SEMA6B: variants seen among roughly 807,000 people sequenced by gnomAD.
The protein encoded by SEMA6B is semaphorin 6B.
A neutral mutation model predicts 78.6 loss-of-function variants in SEMA6B; 47 were observed. That is an observed-to-expected ratio of 0.60 (90% confidence interval 0.47 to 0.76). The LOEUF is 0.76. Among genes scored for constraint, SEMA6B ranks in the 30% least tolerant of loss-of-function variants. The pLI is 0.00. For synonymous variants in SEMA6B, 632 were observed against 592.2 expected (o/e 1.07, Z -0.98); for missense variants, 1,213 against 1,269.9 (o/e 0.96, Z 0.68).
At chr19:4,551,838 C>A (rs1376001906) in intron 10 of SEMA6B, among the ~76,000 whole-genome samples, 1 of 142,920 alleles carries the variant, frequency 7.0e-6, no homozygotes, top group East Asian at 2.1e-4. Context: ...AAAAAAAAAA[C>A]CAAACCAAAC....
Position 4,555,829 on chromosome 19 carries a change from T to C in SEMA6B, c.471+159A>G, listed in dbSNP as rs1335994608. ...TGTACAGGCCTCGTTTGGACAGCGC[T>C]GACTCCTCTTGAGCTCAGGGGGAGG... is the stretch of plus-strand genomic sequence containing the variant. On this transcript the variant is annotated intron_variant, in intron 6 of 16. Coordinates refer to ENST00000586582, the MANE Select transcript of SEMA6B (RefSeq NM_032108.4). This position sits in a 1 kb window ranked among gnomAD's most constrained non-coding sequence, Gnocchi z 6.1. Among the ~76,000 whole-genome samples, 1 of 152,208 alleles carries C rather than the reference T, an allele frequency of 6.6e-6. No homozygotes were observed. The highest frequency in any genetic ancestry group is 1.5e-5 in the Non-Finnish European group (1 of 68,034).
intron 8 of SEMA6B, 45 bp downstream of exon 8, chr19:4,554,931 T>G: frequency 6.2e-7 from 1 of 1,603,074 alleles, no homozygotes; most frequent in Non-Finnish European, 8.5e-7. Context: ...AATGTCAGGT[T>G]CTGGGCCCTG....
chr19:4,554,459 C>A lies in SEMA6B; in HGVS notation c.700G>T (p.Ala234Ser). 6.2e-7 allele frequency: 1 copy of A among 1,613,904 alleles called. No homozygotes were observed. Among genetic ancestry groups the A allele is most frequent in the South Asian group, 1.1e-5 (1 of 91,082 alleles). ...TAGACATGGCTGCCCCACTCCACCG[C>A]ATGGACAAAGTAAGGCTCTGCAGGA... The part of the protein sequence containing the change: ...KWFKEPYFVH[A>S]VEWGSHVYFF... Residue 234 changes from alanine to serine, a missense_variant, in exon 9 of 17, where the codon GCG (alanine) becomes TCG (serine). By Grantham distance (99) the Ala-to-Ser change is moderately conservative (BLOSUM62 1). Transcript: ENST00000586582.
chr19:4,556,999 T>C lies in SEMA6B; in HGVS notation c.321A>G (p.Arg107=). ...ELRYQRKLTW[R]SNPSDINVCR... is the part of the protein sequence containing the mutation. Reference sequence around the variant, plus strand: ...ACACGTTTATGTCGCTGGGGTTAGATCTCCAGGTCAGCTTCTGCAGACAGA... The same window carrying C: ...ACACGTTTATGTCGCTGGGGTTAGACCTCCAGGTCAGCTTCTGCAGACAGA... Residue 107 remains arginine, a synonymous_variant, in exon 5 of 17, where the codon AGA becomes AGG. Coordinates refer to ENST00000586582, the MANE Select transcript of SEMA6B (RefSeq NM_032108.4). 6.2e-7 allele frequency: 1 copy of C among 1,613,162 alleles called. No individual in the cohort carries two copies. The highest frequency in any genetic ancestry group is 8.5e-7 in the Non-Finnish European group (1 of 1,179,568).
chr19:4,551,706 G>A (rs1977337125), intron 10 of SEMA6B, among the ~76,000 whole-genome samples: 1 of 151,828 alleles, frequency 6.6e-6, no homozygotes, highest in Non-Finnish European at 1.5e-5. Flanking sequence ...GCGCACGCCT[G>A]TAATCCCAGC....
In SEMA6B at chr19:4,552,288, G is replaced by A; in HGVS notation, c.989+134C>T. On this transcript the variant is annotated intron_variant, in intron 10 of 16. Coordinates refer to ENST00000586582, the MANE Select transcript of SEMA6B (RefSeq NM_032108.4). This position sits in a 1 kb window ranked among gnomAD's most constrained non-coding sequence, Gnocchi z 7.4. ...GTCAGCTTGTCCCACCCCAGCCTGG[G>A]GCCGAGGCCTCTCAGAGGTCTAATC... The A allele has an allele frequency of 1.2e-6, 1 of 856,360 alleles. No homozygotes were observed. 53.0% of individuals were successfully genotyped at this position (856,360 alleles called of 1,614,324 possible).
At chr19:4,557,271 T>A in intron 3 of SEMA6B, 48 bp from the exon 4 acceptor site, 1 of 1,389,042 alleles carries the variant, frequency 7.2e-7, no homozygotes, top group Non-Finnish European at 9.9e-7. Flanking sequence ...CGCCACCCTC[T>A]CCCGTTCCAT....
At position 4,550,918 on chromosome 19, in the gene SEMA6B, C is replaced by T. The variant is rs759056608; in HGVS notation, c.1002G>A (p.Ser334=). 1.4e-5 allele frequency: 22 copies of T among 1,613,434 alleles called. No homozygotes were observed. The highest frequency in any genetic ancestry group is 1.8e-5 in the Non-Finnish European group (21 of 1,179,982). ...GTGTCAGGTCAAAGGCGCAGACAGC[C>T]GAGCCAGGGATGCTGAGGGGTTGGG... ...FSTPSNSIPG[S]AVCAFDLTQV... is the part of the protein sequence containing the mutation. Residue 334 remains serine (S), a synonymous_variant, in exon 11 of 17, where the codon TCG becomes TCA. Transcript: ENST00000586582. This position sits in a 1 kb window ranked among gnomAD's most constrained non-coding sequence, Gnocchi z 6.6.
At chr19:4,547,023 GA>G (rs1233408507) in intron 14 of SEMA6B, among the ~76,000 whole-genome samples, 1 of 151,632 alleles carries the variant, frequency 6.6e-6, no homozygotes, top group Non-Finnish European at 1.5e-5. Flanking sequence ...ACAGTGTCAT[GA>G]TCATAGTTCA....
At chr19:4,546,614 C>T (rs911686214) in intron 14 of SEMA6B, 145 bp from the exon 15 acceptor site, 23 of 443,782 alleles carry the variant, frequency 5.2e-5, no homozygotes, top group African/African-American at 1.6e-4. Flanking sequence ...GAATTTCGCT[C>T]TTGTTGTTTA....
chr19:4,557,885 C>T (rs1013346560), intron 3 of SEMA6B, 141 bp downstream of exon 3: 14 of 725,936 alleles, frequency 1.9e-5, no homozygotes, highest in Non-Finnish European at 2.7e-5. Context: ...CACCTTCCTC[C>T]GGGTCAAAGC....
At position 4,556,009 on chromosome 19, in the gene SEMA6B, G is replaced by A. The variant is rs1463332998; in HGVS notation, c.450C>T (p.Asn150=). Residue 150 remains asparagine (N), a synonymous_variant, in exon 6 of 17, where the codon AAC becomes AAT. Coordinates refer to ENST00000586582, the MANE Select transcript of SEMA6B (RefSeq NM_032108.4). ...TCACGCTGTAGTTGGCGCACACCGG[G>A]TTGAAGGCGTTGGAACCGCACACAA... ...TLFVCGSNAF[N]PVCANYSIDT... is the part of the protein sequence containing the mutation. 6.2e-7 allele frequency: 1 copy of A among 1,614,106 alleles called. No homozygotes were observed. Among genetic ancestry groups the A allele is most frequent in the Non-Finnish European group, 8.5e-7 (1 of 1,179,956 alleles).
At position 4,550,517 on chromosome 19, in the gene SEMA6B, T is replaced by C. The variant is rs559976234; in HGVS notation, c.1122-245A>G. On this transcript the variant is annotated intron_variant, in intron 11 of 16. Coordinates refer to ENST00000586582, the MANE Select transcript of SEMA6B (RefSeq NM_032108.4). The surrounding 1 kb of genome is among the most constrained non-coding windows in gnomAD (Gnocchi z 6.6). ...TGGCTGGGATTACAGGCACGTGCCA[T>C]CACGCCCGGCTAATTTTTGTATTTT... Among the ~76,000 whole-genome samples the C allele has an allele frequency of 1.9e-3, 293 of 152,164 alleles. 2 individuals are homozygous for C. Among genetic ancestry groups the C allele is most frequent in the African/African-American group, 6.9e-3 (285 of 41,524 alleles).
chr19:4,543,288 G>T lies in SEMA6B; in HGVS notation c.*313C>A. The T allele has an allele frequency of 2.1e-6, 1 of 483,386 alleles. No homozygotes were observed. 29.9% of individuals were successfully genotyped at this position (483,386 alleles called of 1,614,324 possible). A position where few individuals can be genotyped will look rare whatever the true frequency, so the allele number is the denominator to read the frequency against. ...CCCCGAGAACGGAGTTGTGCAATTG[G>T]TTAGAAAACCGCAAAAGAAACCAAA... On this transcript the variant is annotated 3_prime_UTR_variant, in exon 17 of 17. Coordinates refer to ENST00000586582, the MANE Select transcript of SEMA6B (RefSeq NM_032108.4).
rs1413414323 is a variant in SEMA6B at position 4,543,493 on chromosome 19, G to C, written c.*108C>G. 1 of 462,760 alleles carries C rather than the reference G, an allele frequency of 2.2e-6. No homozygotes were observed. The allele number at this position is 462,760 out of a possible 1,614,324, so 28.7% of individuals were successfully genotyped here. A position where few individuals can be genotyped will look rare whatever the true frequency, so the allele number is the denominator to read the frequency against. On this transcript the variant is annotated 3_prime_UTR_variant, in exon 17 of 17. Coordinates refer to ENST00000586582, the MANE Select transcript of SEMA6B (RefSeq NM_032108.4). ...CCCACTCCGCGGGTGGGTCGCGGGG[G>C]GGACTTGAGCACCCACTCGGAGTTG...
At position 4,552,731 on chromosome 19, in the gene SEMA6B, G is replaced by A; in HGVS notation, c.772-92C>T. 1 of 1,238,902 alleles carries A rather than the reference G, an allele frequency of 8.1e-7. No homozygotes were observed. The highest frequency in any genetic ancestry group is 1.5e-5 in the South Asian group (1 of 67,692). The allele number at this position is 1,238,902 out of a possible 1,614,324, so 76.7% of individuals were successfully genotyped here. Reference sequence around the variant, plus strand: ...TGCCACTCACCACCCAAACTGTGATGGAGGAGTCTGACCCTGGCTCTGGTG... The same window carrying A: ...TGCCACTCACCACCCAAACTGTGATAGAGGAGTCTGACCCTGGCTCTGGTG... On this transcript the variant is annotated intron_variant, in intron 9 of 16. Coordinates refer to ENST00000586582, the MANE Select transcript of SEMA6B (RefSeq NM_032108.4). The surrounding 1 kb of genome is among the most constrained non-coding windows in gnomAD (Gnocchi z 7.4).
chr19:4,545,933 G>A (rs972867918), intron 16 of SEMA6B: 63 of 231,652 alleles, frequency 2.7e-4, no homozygotes, highest in Admixed American at 5.2e-5. Context: ...CACCACGCCC[G>A]GCTAATTTTT....
At chr19:4,556,844 C>T in intron 5 of SEMA6B, 107 bp downstream of exon 5, 1 of 877,452 alleles carries the variant, frequency 1.1e-6, no homozygotes, top group Non-Finnish European at 1.6e-6. Context: ...TGGGTTGGGG[C>T]GTGGCCAGGG....
chr19:4,546,528 G>A, intron 14 of SEMA6B, 59 bp from the exon 15 acceptor site: 2 of 1,235,060 alleles, frequency 1.6e-6, no homozygotes, highest in East Asian at 5.3e-5. Context: ...CAACCCCAAT[G>A]GTGATGGTGA....
Sources: gnomAD v4.1 joint callset for allele counts (sites outside exome capture counted in the v4.1 genomes callset) on GRCh38, gnomAD v4.1.1 for gene constraint, Gnocchi (gnomAD v3.1) non-coding constraint, MANE v1.5 for transcripts, NCBI Gene and HGNC (gene_info 2026-07-23, HGNC 2026-07-21) for gene names.